Variants in SUPT3H observed in about 807,000 individuals in gnomAD.
The protein encoded by SUPT3H is transcription initiation protein SPT3 homolog.
A neutral mutation model predicts 44.3 loss-of-function variants in SUPT3H; 44 were observed. That is an observed-to-expected ratio of 0.99 (90% CI 0.78 to 1.28). The LOEUF is 1.28. SUPT3H is among the 50% of genes most tolerant of loss of function. The pLI is 0.00. For missense variants in SUPT3H, 380 were observed against 387.1 expected (o/e 0.98, Z 0.15); for synonymous variants, 124 against 125.6 (o/e 0.99, Z 0.09).
chr6:45,356,204 T>C (rs143554062), intron 2 of SUPT3H, among the ~76,000 whole-genome samples: 58 of 152,266 alleles, frequency 3.8e-4, no homozygotes, highest in Middle Eastern at 3.4e-3. Flanking sequence ...AGGCATATGG[T>C]ATTTCACAGC....
At chr6:45,235,255 A>G (rs186484814) in intron 2 of SUPT3H, among the ~76,000 whole-genome samples, 1 of 152,304 alleles carries the variant, frequency 6.6e-6, no homozygotes, top group Admixed American at 6.5e-5. Context: ...GCCCCACCTT[A>G]TAAACACTTA....
At chr6:45,306,453 C>G (rs982606131) in intron 2 of SUPT3H, among the ~76,000 whole-genome samples, 1 of 152,128 alleles carries the variant, frequency 6.6e-6, no homozygotes, top group Non-Finnish European at 1.5e-5. Flanking sequence ...ACAGATTACC[C>G]AGCTTGAACC....
chr6:44,844,703 G>T (rs1373682297), intron 10 of SUPT3H, among the ~76,000 whole-genome samples: 1 of 152,152 alleles, frequency 6.6e-6, no homozygotes, highest in Non-Finnish European at 1.5e-5. Context: ...TATAGGGTCA[G>T]AAAACACATC....
chr6:44,894,962 T>G (rs929442868), intron 10 of SUPT3H, among the ~76,000 whole-genome samples: 1 of 151,972 alleles, frequency 6.6e-6, no homozygotes, highest in Non-Finnish European at 1.5e-5. Context: ...TAGGTAAACT[T>G]AAGAGTGCAT....
chr6:44,908,149 C>T (rs959521096), intron 10 of SUPT3H, among the ~76,000 whole-genome samples: 1 of 144,188 alleles, frequency 6.9e-6, no homozygotes, highest in Non-Finnish European at 1.5e-5. Flanking sequence ...ACTTTTTTTT[C>T]TTTTCTTTTT....
At chr6:45,043,796 C>T (rs1239266766) in intron 3 of SUPT3H, among the ~76,000 whole-genome samples, 2 of 152,112 alleles carry the variant, frequency 1.3e-5, no homozygotes, top group Non-Finnish European at 2.9e-5. Context: ...TCAGCTTTCA[C>T]TAATTTCAAA....
At chr6:44,988,184 A>C (rs1022817227) in intron 6 of SUPT3H, among the ~76,000 whole-genome samples, 1 of 152,040 alleles carries the variant, frequency 6.6e-6, no homozygotes, top group African/African-American at 2.4e-5. Context: ...GGTCAAAAAA[A>C]ATTTCGGAGA....
At chr6:45,352,108 C>T (rs1792183661) in intron 2 of SUPT3H, among the ~76,000 whole-genome samples, 1 of 152,140 alleles carries the variant, frequency 6.6e-6, no homozygotes, top group Non-Finnish European at 1.5e-5. Flanking sequence ...ATAAATATTA[C>T]CTGACCTTTT....
chr6:45,219,438 G>T (rs1562719907), intron 2 of SUPT3H, among the ~76,000 whole-genome samples: 2 of 149,940 alleles, frequency 1.3e-5, no homozygotes, highest in Non-Finnish European at 3.0e-5. Context: ...CACCAGGAAT[G>T]AAAAAAACGA....
chr6:44,972,373 G>A (rs564324643), intron 6 of SUPT3H, among the ~76,000 whole-genome samples: 8 of 152,278 alleles, frequency 5.3e-5, no homozygotes, highest in African/African-American at 1.7e-4. Flanking sequence ...CAGGTCGCAC[G>A]GATTCAAGAG....
intron 10 of SUPT3H, among the ~76,000 whole-genome samples, chr6:44,836,943 C>T (rs568063599): frequency 1.3e-5 from 2 of 152,184 alleles, no homozygotes; most frequent in African/African-American, 4.8e-5. Flanking sequence ...ATATTAAAGA[C>T]AATCAAAACA....
At chr6:45,369,554 C>T (rs1363480816) in intron 1 of SUPT3H, among the ~76,000 whole-genome samples, 1 of 152,074 alleles carries the variant, frequency 6.6e-6, no homozygotes, top group East Asian at 1.9e-4. Flanking sequence ...TTTAGTCATT[C>T]CCTCCACTCT....
chr6:44,890,774 A>AT (rs1561976642), intron 10 of SUPT3H, among the ~76,000 whole-genome samples: 118 of 151,134 alleles, frequency 7.8e-4, no homozygotes, highest in Admixed American at 3.6e-3. Context: ...TAATAATAAA[A>AT]AAAAAAGAAA....
chr6:45,128,557 TAC>T (rs1173091186), intron 2 of SUPT3H, among the ~76,000 whole-genome samples: 2,776 of 56,418 alleles, frequency 0.049, 100 homozygotes, highest in African/African-American at 0.081. Context: ...TATATATATA[TAC>T]ACACACACAC....
chr6:45,257,985 C>T (rs1044293321), intron 2 of SUPT3H, among the ~76,000 whole-genome samples: 34 of 152,148 alleles, frequency 2.2e-4, no homozygotes, highest in Admixed American at 2.0e-3. Context: ...TTTCCATTTA[C>T]GAAACATAAT....
chr6:44,940,958 A>G (rs574346014), intron 9 of SUPT3H, among the ~76,000 whole-genome samples: 1 of 152,206 alleles, frequency 6.6e-6, no homozygotes, highest in East Asian at 1.9e-4. Flanking sequence ...TTTATAGGTA[A>G]AGTGAGTTTC....
At chr6:44,892,227 T>C (rs1763419515) in intron 10 of SUPT3H, among the ~76,000 whole-genome samples, 1 of 152,004 alleles carries the variant, frequency 6.6e-6, no homozygotes, top group African/African-American at 2.4e-5. Flanking sequence ...TCTAAGGAGA[T>C]AGTTATAGTT....
At chr6:44,897,783 C>T (rs12529522) in intron 10 of SUPT3H, among the ~76,000 whole-genome samples, 18,283 of 152,128 alleles carry the variant, frequency 0.12, 1,439 homozygotes, top group East Asian at 0.27. Flanking sequence ...TTTCTCATAT[C>T]CCCCAGTTAA....
intron 10 of SUPT3H, among the ~76,000 whole-genome samples, chr6:44,864,722 A>G (rs1348844105): frequency 6.6e-6 from 1 of 152,106 alleles, no homozygotes; most frequent in Non-Finnish European, 1.5e-5. Flanking sequence ...GGCTGCACAC[A>G]GCGTGGGGAC....
Sources: gnomAD v4.1 joint callset for allele counts (sites outside exome capture counted in the v4.1 genomes callset) on GRCh38, gnomAD v4.1.1 for gene constraint, MANE v1.5 for transcripts, NCBI Gene and HGNC (gene_info 2026-07-23, HGNC 2026-07-21) for gene names.